The following KLRG2 variants were observed in gnomAD, a reference collection of about 807,000 sequenced individuals.
KLRG2 encodes the protein killer cell lectin like receptor G2.
Under a neutral mutation model 35.4 loss-of-function variants are expected in KLRG2, and 39 were observed. The observed-to-expected ratio is 1.10, with a 90% CI of 0.85 to 1.44. The LOEUF (loss-of-function observed/expected upper bound fraction) is 1.44. Ranked by LOEUF, KLRG2 falls within the 40% of genes most tolerant of loss-of-function variation. The pLI is 0.00. For synonymous variants in KLRG2, 283 were observed against 265.8 expected, an observed-to-expected ratio of 1.06 and a Z score of -0.63; for missense variants, 632 against 570.9, an observed-to-expected ratio of 1.11 and a Z score of -1.09.
the KLRG2 span, among the ~76,000 whole-genome samples, chr7:139,433,975 G>A: frequency 6.6e-6 from 1 of 152,114 alleles, no homozygotes; most frequent in Non-Finnish European, 1.5e-5. Context: ...AACCTCACAG[G>A]CGATTCCAGC....
chr7:139,467,413 A>G (rs1585170239), intron 3 of KLRG2, among the ~76,000 whole-genome samples: 2 of 152,182 alleles, frequency 1.3e-5, no homozygotes, highest in Non-Finnish European at 2.9e-5. Context: ...CTTGTGGGGA[A>G]AAGAAAGACA....
At chr7:139,435,763 A>G in the KLRG2 span, among the ~76,000 whole-genome samples, 1 of 152,222 alleles carries the variant, frequency 6.6e-6, no homozygotes, top group Non-Finnish European at 1.5e-5. Context: ...TGCTGTGTGC[A>G]TCAGCACATC....
intron 3 of KLRG2, among the ~76,000 whole-genome samples, chr7:139,462,170 G>A (rs148074837): frequency 2.0e-5 from 3 of 152,236 alleles, no homozygotes; most frequent in African/African-American, 4.8e-5. Flanking sequence ...CGCTAGTTAC[G>A]GACTCGGGAA....
At chr7:139,478,023 G>C (rs1569416255) in intron 3 of KLRG2, among the ~76,000 whole-genome samples, 1 of 150,922 alleles carries the variant, frequency 6.6e-6, no homozygotes, top group Admixed American at 6.6e-5. Context: ...CTCCCAAAGT[G>C]CTGGGATTAC....
intron 3 of KLRG2, among the ~76,000 whole-genome samples, chr7:139,477,070 C>T (rs1171644201): frequency 3.3e-5 from 5 of 152,028 alleles, no homozygotes; most frequent in Non-Finnish European, 7.4e-5. Flanking sequence ...ACCAGAACAG[C>T]GAATATAAAT....
the KLRG2 span, among the ~76,000 whole-genome samples, chr7:139,432,565 T>G: frequency 6.8e-6 from 1 of 147,276 alleles, no homozygotes. Flanking sequence ...CCAATATTTT[T>G]TTTTGAGACG....
Position 139,483,163 on chromosome 7 carries a change from G to A in KLRG2, c.480C>T (p.Ala160=), listed in dbSNP as rs1238365446. 6.7e-7 allele frequency: 1 copy of A among 1,499,576 alleles called. No individual in the cohort carries two copies. 92.9% of individuals were successfully genotyped at this position (1,499,576 alleles called of 1,614,324 possible). A position where few individuals can be genotyped will look rare whatever the true frequency, so the allele number is the denominator to read the frequency against. Reference sequence around the variant, plus strand: ...GCGCCGGGTCCGCGTGGCGGGAGAAGGCAGGGGACTCGGGCACCGGCACCT... The same window carrying A: ...GCGCCGGGTCCGCGTGGCGGGAGAAAGCAGGGGACTCGGGCACCGGCACCT... ...FLKVPVPESP[A]FSRHADPAHQ... The change falls in exon 1 of 5, where the codon GCC becomes GCT. Residue 160 remains alanine (A), a synonymous_variant. Coordinates refer to ENST00000340940, the MANE Select transcript of KLRG2 (RefSeq NM_198508.4).
intron 3 of KLRG2, among the ~76,000 whole-genome samples, chr7:139,474,840 T>A (rs188818420): frequency 2.9e-3 from 446 of 152,342 alleles, no homozygotes; most frequent in African/African-American, 0.01. Context: ...CCCATAGCCC[T>A]TGACACAGGA....
intron 3 of KLRG2, among the ~76,000 whole-genome samples, chr7:139,475,941 T>C (rs1377995771): frequency 6.7e-6 from 1 of 150,204 alleles, no homozygotes; most frequent in Non-Finnish European, 1.5e-5. Flanking sequence ...TGCCCACTGC[T>C]TCGTGGGTAA....
chr7:139,451,832 C>G (rs1181055396), downstream of KLRG2, among the ~76,000 whole-genome samples: 1 of 152,132 alleles, frequency 6.6e-6, no homozygotes, highest in Non-Finnish European at 1.5e-5. Flanking sequence ...TCTCCAGGCA[C>G]AGATCCTGGG....
chr7:139,436,202 C>T, the KLRG2 span, among the ~76,000 whole-genome samples: 71 of 152,198 alleles, frequency 4.7e-4, no homozygotes, highest in African/African-American at 1.6e-3. Flanking sequence ...TGTGCCTGGC[C>T]GGGTCTGTAC....
intron 3 of KLRG2, among the ~76,000 whole-genome samples, chr7:139,457,560 T>C (rs551220924): frequency 6.6e-5 from 10 of 152,202 alleles, no homozygotes; most frequent in Non-Finnish European, 1.3e-4. Context: ...ACTCATCCCA[T>C]GTCCTCTCGC....
In KLRG2 at chr7:139,483,543, C is replaced by T. The variant is rs1797011458; in HGVS notation, c.100G>A (p.Val34Met). The change falls in exon 1 of 5, where the codon GTG (valine) becomes ATG (methionine). Residue 34 changes from valine to methionine, a missense_variant. Physicochemically the swap from Val to Met is conservative, Grantham distance 21. Transcript: ENST00000340940. ...SLVPTLEQPQ[V>M]PAKVRQPEGP... ...TCAGGTTGTCGCACCTTCGCGGGCA[C>T]CTGCGGCTGCTCCAGCGTGGGGACC... 1.3e-6 allele frequency: 2 copies of T among 1,598,678 alleles called. No homozygotes were observed. Among genetic ancestry groups the T allele is most frequent in the South Asian group, 2.2e-5 (2 of 90,492 alleles).
chr7:139,466,179 CT>C (rs1323515677), intron 3 of KLRG2, among the ~76,000 whole-genome samples: 3 of 152,202 alleles, frequency 2.0e-5, no homozygotes, highest in Non-Finnish European at 4.4e-5. Flanking sequence ...GATTTGCCCC[CT>C]GCCCAGGACT....
intron 1 of KLRG2, among the ~76,000 whole-genome samples, chr7:139,482,179 G>A (rs559287470): frequency 2.0e-4 from 30 of 152,290 alleles, no homozygotes; most frequent in African/African-American, 7.2e-4. Flanking sequence ...GTTCCTCAGT[G>A]TGGTGGAAAG....
chr7:139,480,104 G>T, intron 2 of KLRG2, 42 bp downstream of exon 2: 1 of 1,293,894 alleles, frequency 7.7e-7, no homozygotes, highest in South Asian at 1.2e-5. Flanking sequence ...CCCAGTAGTG[G>T]AGCGGCAGGG....
At position 139,483,211 on chromosome 7, in the gene KLRG2, G is replaced by A. The variant is rs911254977; in HGVS notation, c.432C>T (p.Pro144=). The change falls in exon 1 of 5, where the codon CCC becomes CCT. Residue 144 remains proline (P), a synonymous_variant. Transcript: ENST00000340940. ...CCTTGAGGAAGCGCGTGGAGGGCCT[G>A]GGCGATGGCGTGCTGCTGCCACCGG... is the stretch of plus-strand genomic sequence containing the variant. ...GAAGGSSTPS[P]RPSTRFLKVP... 3 of 1,529,344 alleles carry A rather than the reference G, an allele frequency of 2.0e-6. No individual in the cohort carries two copies. The highest frequency in any genetic ancestry group is 4.0e-5 in the Admixed American group (2 of 50,176). 94.7% of individuals were successfully genotyped at this position (1,529,344 alleles called of 1,614,324 possible).
chr7:139,481,958 G>GA (rs1265524344), intron 1 of KLRG2, among the ~76,000 whole-genome samples: 1 of 151,834 alleles, frequency 6.6e-6, no homozygotes, highest in Non-Finnish European at 1.5e-5. Flanking sequence ...AAGAAAAAAA[G>GA]AAAAAAATTG....
At chr7:139,461,679 C>T (rs1306214596) in intron 3 of KLRG2, among the ~76,000 whole-genome samples, 1 of 152,158 alleles carries the variant, frequency 6.6e-6, no homozygotes, top group Non-Finnish European at 1.5e-5. Context: ...CCCCTGCCCG[C>T]CAGCGAACAA....
Sources: allele counts gnomAD v4.1 joint callset (sites outside exome capture counted in the v4.1 genomes callset), GRCh38; gene constraint gnomAD v4.1.1; transcripts MANE v1.5; gene names NCBI Gene and HGNC (gene_info 2026-07-23, HGNC 2026-07-21).